PRMT7: variants seen among roughly 807,000 people sequenced by gnomAD.
PRMT7 encodes protein arginine N-methyltransferase 7.
PRMT7 carries 75 observed loss-of-function variants against 85.4 expected under a neutral mutation model. That is an observed-to-expected ratio of 0.88 (90% CI 0.73 to 1.06). The LOEUF (loss-of-function observed/expected upper bound fraction) is 1.06. Ranked by LOEUF, PRMT7 falls within the 50% of genes least tolerant of loss-of-function variation. PRMT7 has a pLI of 0.00. For synonymous variants in PRMT7, 397 were observed against 359.5 expected, an observed-to-expected ratio of 1.10 and a Z score of -1.18; for missense variants, 868 against 915.2, an observed-to-expected ratio of 0.95 and a Z score of 0.67.
chr16:68,312,229 A>ATTTTTTTTT (rs56086089), intron 2 of PRMT7, 53 bp downstream of exon 2: 11 of 112,678 alleles, frequency 9.8e-5, no homozygotes, highest in African/African-American at 4.1e-4. Flanking sequence ...ATATATATAT[A>ATTTTTTTTT]TTTTTTTTTT....
intron 6 of PRMT7, among the ~76,000 whole-genome samples, chr16:68,337,250 C>T (rs1345635768): frequency 2.0e-5 from 3 of 150,010 alleles, no homozygotes; most frequent in African/African-American, 4.9e-5. Context: ...TATCAATTAG[C>T]GTTTTGTCAT....
chr16:68,323,408 T>C (rs770684845), intron 4 of PRMT7, among the ~76,000 whole-genome samples: 9 of 151,966 alleles, frequency 5.9e-5, no homozygotes, highest in Admixed American at 1.3e-4. Flanking sequence ...TTAGTAGAGA[T>C]GGGGTTTCAC....
intron 17 of PRMT7, 145 bp downstream of exon 17, chr16:68,356,028 A>G (rs2151940134): frequency 2.1e-6 from 2 of 952,662 alleles, no homozygotes; most frequent in East Asian, 3.1e-5. Flanking sequence ...CTTCCCTGTC[A>G]GAGTGGCCCT....
intron 14 of PRMT7, 109 bp from the exon 15 acceptor site, chr16:68,352,135 GGAGT>G (rs2087479788): frequency 5.4e-6 from 6 of 1,101,114 alleles, no homozygotes; most frequent in South Asian, 1.5e-5. Flanking sequence ...GGAGAGGGAG[GGAGT>G]GAGGGAGTGA....
At chr16:68,353,194 TC>T in intron 15 of PRMT7, among the ~76,000 whole-genome samples, 1 of 152,144 alleles carries the variant, frequency 6.6e-6, no homozygotes, top group South Asian at 2.1e-4. Flanking sequence ...ACAGATTTCT[TC>T]CCAAAGAAAT....
At chr16:68,348,466 G>A (rs377120584) in intron 14 of PRMT7, 35 bp downstream of exon 14, 6 of 1,537,772 alleles carry the variant, frequency 3.9e-6, no homozygotes, top group Non-Finnish European at 5.4e-6. Context: ...ACGCTGGGCT[G>A]TGTTAGGGTG....
chr16:68,345,681 G>T lies in PRMT7; in HGVS notation c.934G>T (p.Asp312Tyr). 2 of 1,612,458 alleles carry T rather than the reference G, an allele frequency of 1.2e-6. No individual in the cohort carries two copies. Among genetic ancestry groups the T allele is most frequent in the South Asian group, 2.2e-5 (2 of 91,020 alleles). The stretch of plus-strand genomic sequence containing the variant: ...ACTCTGTTCTCCGTTTCAGTGGCGG[G>T]ACCACTGGATGCAGTGTGTGTACTT... ...HSDPEEMQWR[D>Y]HWMQCVYFLP... is the part of the protein sequence containing the mutation. Residue 312 changes from aspartate (D) to tyrosine (Y), a missense_variant, in exon 10 of 19, where the codon GAC becomes TAC. Physicochemically the swap from Asp to Tyr is radical, Grantham distance 160 (BLOSUM62 -3). Coordinates refer to ENST00000441236, the MANE Select transcript of PRMT7 (RefSeq NM_019023.5).
chr16:68,345,468 T>C (rs1330118673), intron 9 of PRMT7, among the ~76,000 whole-genome samples: 1 of 152,214 alleles, frequency 6.6e-6, no homozygotes, highest in Non-Finnish European at 1.5e-5. Flanking sequence ...CCACATTGTG[T>C]CTTCCTAAAG....
At chr16:68,320,256 C>T (rs539350638) in intron 3 of PRMT7, among the ~76,000 whole-genome samples, 4 of 152,288 alleles carry the variant, frequency 2.6e-5, no homozygotes, top group South Asian at 4.2e-4. Flanking sequence ...GAGACCAGCT[C>T]GGTCGTGGAG....
At chr16:68,316,143 TC>T in intron 3 of PRMT7, 69 bp downstream of exon 3, 1 of 1,368,864 alleles carries the variant, frequency 7.3e-7, no homozygotes, top group African/African-American at 1.4e-5. Context: ...TGCCTTGGGC[TC>T]CAGTCTGAGC....
At chr16:68,356,674 TCTG>T (rs2088582091) in intron 17 of PRMT7, 24 bp from the exon 18 acceptor site, 2 of 1,587,202 alleles carry the variant, frequency 1.3e-6, no homozygotes, top group Non-Finnish European at 1.7e-6. Flanking sequence ...TGTGACTACT[TCTG>T]CTGGGCCCCC....
At chr16:68,335,867 C>G (rs545927591) in intron 6 of PRMT7, among the ~76,000 whole-genome samples, 2 of 149,554 alleles carry the variant, frequency 1.3e-5, no homozygotes, top group African/African-American at 5.0e-5. Flanking sequence ...ACCTCTGCCT[C>G]CCAGGTTTAA....
At position 68,355,861 on chromosome 16, in the gene PRMT7, G is replaced by A. The variant is rs572787826; in HGVS notation, c.1789G>A (p.Glu597Lys). Residue 597 changes from glutamate (E) to lysine (K), a missense_variant, in exon 17 of 19, where the codon GAG (glutamate) becomes AAG (lysine). Coordinates refer to ENST00000441236, the MANE Select transcript of PRMT7 (RefSeq NM_019023.5). ...QPVPLQPLCA[E>K]GTVELRRPGQ... ...GGTGCCCCTGCAGCCCCTGTGTGCC[G>A]AGGGCACCGTGGAGCTCAGAAGGTG... 1.7e-4 allele frequency: 270 copies of A among 1,604,768 alleles called. 6 individuals are homozygous for A. In the South Asian group the frequency reaches 2.6e-3, roughly 15 times the overall value.
At chr16:68,319,287 G>T (rs2082215066) in intron 3 of PRMT7, among the ~76,000 whole-genome samples, 1 of 152,154 alleles carries the variant, frequency 6.6e-6, no homozygotes, top group Non-Finnish European at 1.5e-5. Flanking sequence ...AGGAATCCCG[G>T]AATAGCTGAG....
chr16:68,319,836 C>T (rs557630490), intron 3 of PRMT7, among the ~76,000 whole-genome samples: 1 of 151,902 alleles, frequency 6.6e-6, no homozygotes, highest in Admixed American at 6.6e-5. Context: ...CTTAGCTGTC[C>T]CCTTGAATTC....
intron 3 of PRMT7, among the ~76,000 whole-genome samples, chr16:68,321,102 C>G (rs1286445447): frequency 6.6e-6 from 1 of 152,062 alleles, no homozygotes; most frequent in African/African-American, 2.4e-5. Context: ...AACCCCATCT[C>G]TAATGTAAAT....
rs534997025 is a variant in PRMT7, at chr16:68,358,301, G to C, written c.*1077G>C. ...CCCTGAGGCCTGGCCCCAGCTTGTC[G>C]CTGAAATAAGTGGAGAACACCAGCC... On this transcript the variant is annotated 3_prime_UTR_variant, in exon 19 of 19. Coordinates refer to ENST00000441236, the MANE Select transcript of PRMT7 (RefSeq NM_019023.5). 6.5e-6 allele frequency: 1 copy of C among 152,714 alleles called. No homozygotes were observed. Among genetic ancestry groups the C allele is most frequent in the Non-Finnish European group, 1.5e-5 (1 of 68,046 alleles). The allele number at this position is 152,714 out of a possible 1,614,324, so 9.5% of individuals were successfully genotyped here.
In PRMT7 at chr16:68,357,252, G is replaced by A; in HGVS notation, c.*28G>A. On this transcript the variant is annotated 3_prime_UTR_variant, in exon 19 of 19. Coordinates refer to ENST00000441236, the MANE Select transcript of PRMT7 (RefSeq NM_019023.5). ...ACTCTTGAGCAATAAAGTGGCCTGA[G>A]GGCTGGGGTTCTGAGTGGCTCATGG... 2 of 1,587,632 alleles carry A rather than the reference G, an allele frequency of 1.3e-6. No homozygotes were observed. Among genetic ancestry groups the A allele is most frequent in the East Asian group, 2.2e-5 (1 of 44,576 alleles).
intron 15 of PRMT7, 175 bp from the exon 16 acceptor site, chr16:68,353,317 C>G (rs2151910405): frequency 1.4e-6 from 2 of 1,389,680 alleles, no homozygotes; most frequent in East Asian, 5.7e-5. Context: ...CAGGTTCCCG[C>G]CCAGCCCAGT....
Sources: allele counts gnomAD v4.1 joint callset (sites outside exome capture counted in the v4.1 genomes callset), GRCh38; gene constraint gnomAD v4.1.1; transcripts MANE v1.5; gene names NCBI Gene and HGNC (gene_info 2026-07-23, HGNC 2026-07-21).